Variants in CHRM2 observed in about 807,000 individuals in gnomAD.
The protein encoded by CHRM2 is cholinergic receptor muscarinic 2.
CHRM2 carries 8 observed loss-of-function variants against 25.0 expected under a neutral mutation model. The ratio of observed to expected loss-of-function variants is 0.32; its 90% CI spans 0.19 to 0.58. The LOEUF is 0.58. Ranked by LOEUF, CHRM2 falls within the 20% of genes least tolerant of loss-of-function variation. The pLI is 0.88. For synonymous variants in CHRM2, 202 were observed against 205.7 expected (o/e 0.98, Z 0.15); for missense variants, 440 against 567.1 (o/e 0.78, Z 2.28).
intron 2 of CHRM2, among the ~76,000 whole-genome samples, chr7:136,943,644 G>A (rs955782237): frequency 2.6e-5 from 4 of 152,094 alleles, no homozygotes; most frequent in African/African-American, 9.6e-5. Flanking sequence ...TCTGGGAACG[G>A]TTTAGGAAAA....
intron 2 of CHRM2, among the ~76,000 whole-genome samples, chr7:136,935,903 C>T (rs1584784429): frequency 6.6e-6 from 1 of 152,270 alleles, no homozygotes; most frequent in South Asian, 2.1e-4. Context: ...AGAACCTCTA[C>T]CATTAACTGT....
chr7:136,934,442 T>G (rs1270254164), intron 2 of CHRM2, among the ~76,000 whole-genome samples: 1 of 152,166 alleles, frequency 6.6e-6, no homozygotes, highest in Non-Finnish European at 1.5e-5. Flanking sequence ...TCTCTTTAAT[T>G]AGCCCTATAC....
chr7:136,980,053 G>C (rs753750174), intron 2 of CHRM2, among the ~76,000 whole-genome samples: 1 of 152,132 alleles, frequency 6.6e-6, no homozygotes, highest in Non-Finnish European at 1.5e-5. Flanking sequence ...CCATTTTCAT[G>C]ATATTGATTC....
chr7:136,878,123 CATGAAAATAGAA>C (rs1796118219), intron 2 of CHRM2, among the ~76,000 whole-genome samples: 2 of 152,092 alleles, frequency 1.3e-5, no homozygotes, highest in African/African-American at 2.4e-5. Flanking sequence ...CCATAACCAG[CATGAAAATAGAA>C]AGTGATAAGA....
chr7:136,962,427 G>A (rs368507755), intron 2 of CHRM2, among the ~76,000 whole-genome samples: 11 of 152,150 alleles, frequency 7.2e-5, no homozygotes, highest in East Asian at 5.8e-4. Context: ...AAGCCACTGC[G>A]CCCGGCCACA....
intron 2 of CHRM2, among the ~76,000 whole-genome samples, chr7:136,979,233 T>C (rs768954861): frequency 3.9e-5 from 6 of 152,218 alleles, no homozygotes; most frequent in Non-Finnish European, 7.3e-5. Context: ...GTTTGTTGGC[T>C]GCATAAGTGT....
intron 2 of CHRM2, among the ~76,000 whole-genome samples, chr7:136,979,251 T>C (rs1012691029): frequency 4.6e-5 from 7 of 152,242 alleles, no homozygotes; most frequent in African/African-American, 1.7e-4. Context: ...TGTCTTCTTT[T>C]GAAAAGTGTC....
intron 2 of CHRM2, among the ~76,000 whole-genome samples, chr7:136,944,719 T>C (rs549990050): frequency 2.0e-5 from 3 of 152,252 alleles, no homozygotes; most frequent in Admixed American, 2.0e-4. Flanking sequence ...ATGGTAGTTC[T>C]ACTTTTAGTT....
intron 2 of CHRM2, among the ~76,000 whole-genome samples, chr7:136,934,889 A>T (rs1799326188): frequency 6.6e-6 from 1 of 152,064 alleles, no homozygotes. Context: ...CAAAGAGGAC[A>T]TTATTTGTTA....
intron 2 of CHRM2, among the ~76,000 whole-genome samples, chr7:136,935,205 C>T (rs1799341362): frequency 1.1e-5 from 1 of 89,412 alleles, no homozygotes; most frequent in Non-Finnish European, 2.6e-5. Flanking sequence ...ATGCACTGTA[C>T]TCCTGTTCAG....
chr7:136,877,328 G>A (rs1020408273), intron 2 of CHRM2, among the ~76,000 whole-genome samples: 1 of 151,942 alleles, frequency 6.6e-6, no homozygotes. Context: ...TGTTTAGATG[G>A]GACACAGTCC....
At chr7:136,886,713 A>C (rs1323793183) in intron 2 of CHRM2, among the ~76,000 whole-genome samples, 1 of 150,906 alleles carries the variant, frequency 6.6e-6, no homozygotes, top group African/African-American at 2.4e-5. Flanking sequence ...AAAAAATACA[A>C]AAAAAAAATC....
chr7:137,005,291 C>T (rs1028556559), intron 3 of CHRM2, among the ~76,000 whole-genome samples: 1 of 152,094 alleles, frequency 6.6e-6, no homozygotes, highest in Admixed American at 6.6e-5. Flanking sequence ...GAGCAACTTT[C>T]TCTTTCTCTC....
intron 2 of CHRM2, among the ~76,000 whole-genome samples, chr7:136,985,500 A>C (rs1363105262): frequency 8.9e-6 from 1 of 112,712 alleles, no homozygotes. Flanking sequence ...ACAGAGTTAG[A>C]CTCCAAAAAA....
intron 2 of CHRM2, among the ~76,000 whole-genome samples, chr7:136,904,667 T>A (rs1234421283): frequency 6.6e-6 from 1 of 151,946 alleles, no homozygotes; most frequent in Non-Finnish European, 1.5e-5. Flanking sequence ...TCTTCTGCAT[T>A]ATAAAATTTT....
chr7:136,930,465 C>T (rs757338352), intron 2 of CHRM2, among the ~76,000 whole-genome samples: 8 of 151,998 alleles, frequency 5.3e-5, no homozygotes, highest in Non-Finnish European at 1.0e-4. Context: ...AAATCCTCAG[C>T]TTATTTGTTT....
chr7:137,018,452 A>C lies in CHRM2; in HGVS notation c.*2186A>C, dbSNP rs1371512618. 1 of 151,930 alleles carries C rather than the reference A, an allele frequency of 6.6e-6. No individual in the cohort carries two copies. The highest frequency in any genetic ancestry group is 1.9e-4 in the East Asian group (1 of 5,152). 9.4% of individuals were successfully genotyped at this position (151,930 alleles called of 1,614,324 possible). A position where few individuals can be genotyped will look rare whatever the true frequency, so the allele number is the denominator to read the frequency against. On this transcript the variant is annotated 3_prime_UTR_variant, in exon 4 of 4. Coordinates refer to ENST00000680005, the MANE Select transcript of CHRM2 (RefSeq NM_001006630.2). ...TTTCTTCAAATGAAGGAATCAGTTG[A>C]ACGGAAATAACGTCAAGCCAGTGGG...
chr7:136,999,198 T>C (rs1165388502), intron 3 of CHRM2, among the ~76,000 whole-genome samples: 1 of 152,132 alleles, frequency 6.6e-6, no homozygotes, highest in Non-Finnish European at 1.5e-5. Context: ...TTTATTACTG[T>C]TCATTATCTT....
intron 2 of CHRM2, among the ~76,000 whole-genome samples, chr7:136,893,310 G>A (rs1168576209): frequency 6.6e-6 from 1 of 152,152 alleles, no homozygotes; most frequent in African/African-American, 2.4e-5. Context: ...TTATCTGAGA[G>A]GGCAGGAAGT....
Sources: allele counts gnomAD v4.1 joint callset (sites outside exome capture counted in the v4.1 genomes callset), GRCh38; gene constraint gnomAD v4.1.1; transcripts MANE v1.5; gene names NCBI Gene and HGNC (gene_info 2026-07-23, HGNC 2026-07-21).